The following UST variants were observed in gnomAD, a reference collection of about 807,000 sequenced individuals.
UST encodes chondroitin sulfate 2-O-sulfotransferase.
UST carries 21 observed loss-of-function variants against 45.6 expected under a neutral mutation model. The observed-to-expected ratio is 0.46, with a 90% CI of 0.33 to 0.66. The LOEUF (loss-of-function observed/expected upper bound fraction) is 0.66. UST is among the 30% of genes least tolerant of loss of function. The pLI is 0.02. For synonymous variants in UST, 215 were observed against 200.6 expected (o/e 1.07, Z -0.61); for missense variants, 463 against 512.4 (o/e 0.90, Z 0.93).
intron 1 of UST, among the ~76,000 whole-genome samples, chr6:148,877,507 TG>T (rs1270702447): frequency 8.9e-5 from 1 of 11,232 alleles, no homozygotes; most frequent in African/African-American, 3.9e-4. Context: ...CGTGTGTGGG[TG>T]GGGGGGTTGT....
intron 4 of UST, among the ~76,000 whole-genome samples, chr6:148,956,922 A>C (rs1185109615): frequency 6.6e-6 from 1 of 152,182 alleles, no homozygotes; most frequent in African/African-American, 2.4e-5. Context: ...GGGAAGCAGG[A>C]ACTTCCCTGT....
chr6:148,881,402 G>A (rs1001864681), intron 1 of UST, among the ~76,000 whole-genome samples: 6 of 152,084 alleles, frequency 3.9e-5, no homozygotes, highest in African/African-American at 1.4e-4. Flanking sequence ...AAACAAGGCT[G>A]GAATCAAAAC....
chr6:149,073,814 G>C lies in UST; in HGVS notation c.938-19G>C. On this transcript the variant is annotated intron_variant, in intron 7 of 7. Coordinates refer to ENST00000367463, the MANE Select transcript of UST (RefSeq NM_005715.3). The stretch of plus-strand genomic sequence containing the variant: ...CTACTGCAAATGATGGCTCATGTGC[G>C]ACCCCGGTTCTCTTCCAGAGCACAG... 6.2e-7 allele frequency: 1 copy of C among 1,607,226 alleles called. No homozygotes were observed. The highest frequency in any genetic ancestry group is 8.5e-7 in the Non-Finnish European group (1 of 1,175,094).
At chr6:148,937,936 C>T (rs1293082136) in intron 2 of UST, among the ~76,000 whole-genome samples, 3 of 152,206 alleles carry the variant, frequency 2.0e-5, no homozygotes, top group South Asian at 2.1e-4. Flanking sequence ...TTAAACTAAA[C>T]ATGAAACCTA....
intron 1 of UST, among the ~76,000 whole-genome samples, chr6:148,840,114 G>T (rs1777861803): frequency 6.6e-6 from 1 of 152,192 alleles, no homozygotes; most frequent in Non-Finnish European, 1.5e-5. Flanking sequence ...CAATGATATT[G>T]AGAGGGCAAG....
intron 2 of UST, among the ~76,000 whole-genome samples, chr6:148,930,282 A>T (rs6909559): frequency 0.34 from 52,109 of 152,028 alleles, 9,039 homozygotes; most frequent in South Asian, 0.45. Context: ...GTAACCTTTG[A>T]TGTATTCACT....
intron 4 of UST, chr6:148,956,211 T>G (rs868737627): frequency 5.2e-5 from 8 of 153,104 alleles, no homozygotes; most frequent in African/African-American, 1.9e-4. Context: ...TCTGAACCTG[T>G]GAAGGAAAGG....
intron 1 of UST, among the ~76,000 whole-genome samples, chr6:148,754,034 G>A (rs1234285463): frequency 7.0e-6 from 1 of 142,982 alleles, no homozygotes; most frequent in African/African-American, 2.6e-5. Flanking sequence ...TCGCTCTGTT[G>A]CCCAGGCTGG....
rs548012715 is a variant in UST, at chr6:148,748,188, C to T, written c.247+511C>T. On this transcript the variant is annotated intron_variant, in intron 1 of 7. Coordinates refer to ENST00000367463, the MANE Select transcript of UST (RefSeq NM_005715.3). The surrounding 1 kb of genome is among the most constrained non-coding windows in gnomAD (Gnocchi z 5.3). ...GTCCCGCAGATCCCCCGCCTGCCCG[C>T]CGGCCCTAGTGGCTCCGCGCTGTCC... Among the ~76,000 whole-genome samples, 36 of 152,304 alleles carry T rather than the reference C, an allele frequency of 2.4e-4. No individual in the cohort carries two copies. The South Asian group carries it at 7.5e-3, about 32-fold the overall frequency.
intron 1 of UST, among the ~76,000 whole-genome samples, chr6:148,822,052 A>G (rs1201579877): frequency 6.6e-6 from 1 of 152,054 alleles, no homozygotes; most frequent in South Asian, 2.1e-4. Flanking sequence ...ATAATCAGCT[A>G]TTTCTTTAAG....
rs748426056 is a variant in UST at position 149,074,013 on chromosome 6, T to A, written c.1118T>A (p.Leu373Gln). ...GLKSHVSKPPLRPHFFIPTPL... is the reference protein window; with the variant it reads ...GLKSHVSKPPQRPHFFIPTPL... ...AAGTCTCACGTCAGCAAGCCCCCCC[T>A]GAGGCCACACTTCTTTATCCCAACT... Residue 373 changes from leucine to glutamine, a missense_variant, in exon 8 of 8, where the codon CTG (leucine) becomes CAG (glutamine). Leu to Gln is a moderately radical substitution (Grantham distance 113, BLOSUM62 -2). This residue lies in a region of UST where 287 missense variants were observed against 374.2 expected (regional missense o/e 0.77). Coordinates refer to ENST00000367463, the MANE Select transcript of UST (RefSeq NM_005715.3). 57 of 1,614,028 alleles carry A rather than the reference T, an allele frequency of 3.5e-5. No individual in the cohort carries two copies. The highest frequency in any genetic ancestry group is 3.3e-4 in the Middle Eastern group (2 of 6,084).
At chr6:148,771,870 A>G (rs1169657030) in intron 1 of UST, among the ~76,000 whole-genome samples, 1 of 152,192 alleles carries the variant, frequency 6.6e-6, no homozygotes, top group Non-Finnish European at 1.5e-5. Flanking sequence ...ATCATATGTT[A>G]CCATTGTCCA....
chr6:148,904,190 A>T (rs571210944), intron 2 of UST, among the ~76,000 whole-genome samples: 111 of 152,362 alleles, frequency 7.3e-4, no homozygotes, highest in African/African-American at 2.4e-3. Context: ...AAGTGCCTCA[A>T]ATCTTAAATA....
intron 1 of UST, among the ~76,000 whole-genome samples, chr6:148,821,018 G>A (rs1777454304): frequency 8.3e-6 from 1 of 120,042 alleles, no homozygotes; most frequent in African/African-American, 3.2e-5. Context: ...CACCCAGGCT[G>A]GAGTGCAGTG....
At chr6:148,895,177 CTTCT>C (rs1779101908) in intron 2 of UST, among the ~76,000 whole-genome samples, 1 of 152,056 alleles carries the variant, frequency 6.6e-6, no homozygotes, top group Non-Finnish European at 1.5e-5. Context: ...TCCCCCCAAC[CTTCT>C]TTCTTCACTT....
At chr6:148,870,306 G>A (rs1467045364) in intron 1 of UST, among the ~76,000 whole-genome samples, 6 of 152,114 alleles carry the variant, frequency 3.9e-5, no homozygotes, top group Non-Finnish European at 7.4e-5. Context: ...CCTGACCCCT[G>A]GGGTTGATGG....
intron 1 of UST, among the ~76,000 whole-genome samples, chr6:148,779,827 C>T (rs73781502): frequency 1.2e-3 from 183 of 152,202 alleles, no homozygotes; most frequent in African/African-American, 4.3e-3. Flanking sequence ...GAAAGAAATC[C>T]TTTTCGATTC....
chr6:148,890,692 A>G (rs1779001071), intron 2 of UST, among the ~76,000 whole-genome samples: 1 of 152,166 alleles, frequency 6.6e-6, no homozygotes, highest in Non-Finnish European at 1.5e-5. Context: ...TTTTCATAAG[A>G]AAAAACAAAG....
intron 1 of UST, among the ~76,000 whole-genome samples, chr6:148,802,347 G>T (rs999601915): frequency 5.9e-5 from 9 of 152,138 alleles, no homozygotes; most frequent in African/African-American, 2.2e-4. Flanking sequence ...AGCAAATCAA[G>T]AATAAACCAT....
Sources: allele counts gnomAD v4.1 joint callset (sites outside exome capture counted in the v4.1 genomes callset), GRCh38; gene constraint gnomAD v4.1.1; regional missense constraint gnomAD v4.1.1; non-coding constraint Gnocchi (gnomAD v3.1); transcripts MANE v1.5; gene names NCBI Gene and HGNC (gene_info 2026-07-23, HGNC 2026-07-21).